The following PHACTR1 variants were observed in gnomAD, a reference collection of about 807,000 sequenced individuals.
The protein encoded by PHACTR1 is phosphatase and actin regulator 1, also known as RPEL repeat containing 1.
A neutral mutation model predicts 69.2 loss-of-function variants in PHACTR1; 16 were observed. The ratio of observed to expected loss-of-function variants is 0.23; its 90% CI spans 0.16 to 0.35. The LOEUF (loss-of-function observed/expected upper bound fraction) is 0.35, where lower values mean the gene tolerates loss of function less well. Among genes scored for constraint, PHACTR1 ranks in the 10% least tolerant of loss-of-function variants. The probability of loss-of-function intolerance (pLI) is 1.00; values close to 1 mark genes in which losing one functional copy is unlikely to be tolerated. For synonymous variants in PHACTR1, 312 were observed against 284.5 expected, an observed-to-expected ratio of 1.10 and a Z score of -0.97; for missense variants, 510 against 734.7, an observed-to-expected ratio of 0.69 and a Z score of 3.54.
chr6:12,834,961 A>T (rs1778001794), intron 4 of PHACTR1, among the ~76,000 whole-genome samples: 1 of 152,180 alleles, frequency 6.6e-6, no homozygotes, highest in South Asian at 2.1e-4. Context: ...TATGCTTGAA[A>T]GGCAAAATGA....
intron 8 of PHACTR1, chr6:13,214,367 C>T (rs750749895): frequency 2.0e-5 from 3 of 152,178 alleles, no homozygotes; most frequent in Non-Finnish European, 4.4e-5. Flanking sequence ...CTTTACTTGT[C>T]ATGCCTGATA....
chr6:12,915,506 CAA>C (rs1225757251), intron 4 of PHACTR1, among the ~76,000 whole-genome samples: 2 of 50,230 alleles, frequency 4.0e-5, no homozygotes, highest in Non-Finnish European at 8.1e-5. Flanking sequence ...AACTCTCTCT[CAA>C]AAAAAAAAAA....
intron 4 of PHACTR1, among the ~76,000 whole-genome samples, chr6:12,948,169 T>C (rs1790882919): frequency 6.6e-6 from 1 of 152,130 alleles, no homozygotes. Context: ...ATCTGGCCAG[T>C]AGGTGATGCT....
chr6:12,784,232 A>G (rs9296465), intron 4 of PHACTR1, among the ~76,000 whole-genome samples: 66,375 of 151,544 alleles, frequency 0.44, 15,292 homozygotes, highest in African/African-American at 0.55. Context: ...TGATATATAC[A>G]TATACTCATA....
intron 4 of PHACTR1, among the ~76,000 whole-genome samples, chr6:12,844,246 C>T (rs761420537): frequency 2.8e-4 from 43 of 151,986 alleles, no homozygotes; most frequent in African/African-American, 9.2e-4. Flanking sequence ...AATTTTAAAA[C>T]GTTAGCCGAA....
chr6:13,246,805 T>C lies in PHACTR1; in HGVS notation c.1391+16612T>C, dbSNP rs890681348. 1.3e-5 allele frequency among the ~76,000 whole-genome samples: 2 copies of C among 152,242 alleles called. No homozygotes were observed. Among genetic ancestry groups the C allele is most frequent in the African/African-American group, 4.8e-5 (2 of 41,470 alleles). ...TACAGTTGTTCTTCACGTGTCCCCATGTATCTTTGTTTACTGGCAAAACAC... is the reference window on the plus strand; with the variant it reads ...TACAGTTGTTCTTCACGTGTCCCCACGTATCTTTGTTTACTGGCAAAACAC... On this transcript the variant is annotated intron_variant, in intron 10 of 14. Coordinates refer to ENST00000332995, the MANE Select transcript of PHACTR1 (RefSeq NM_030948.6). The surrounding 1 kb of genome is among the most constrained non-coding windows in gnomAD (Gnocchi z 4.2).
intron 5 of PHACTR1, among the ~76,000 whole-genome samples, chr6:13,054,471 C>T (rs1226763422): frequency 6.6e-6 from 1 of 152,184 alleles, no homozygotes; most frequent in Non-Finnish European, 1.5e-5. Flanking sequence ...ATGTGTTTCT[C>T]ACAGTTCTGG....
intron 10 of PHACTR1, among the ~76,000 whole-genome samples, chr6:13,247,721 G>C (rs1462838454): frequency 6.6e-6 from 1 of 152,082 alleles, no homozygotes; most frequent in Non-Finnish European, 1.5e-5. Context: ...TGGAAGCTAG[G>C]CATGCACCTA....
intron 5 of PHACTR1, among the ~76,000 whole-genome samples, chr6:13,125,851 G>A (rs1296743074): frequency 6.6e-6 from 1 of 151,968 alleles, no homozygotes; most frequent in African/African-American, 2.4e-5. Flanking sequence ...GATTGCCTGA[G>A]CCTGGGAAGT....
At chr6:13,153,012 C>T (rs116048744) in intron 5 of PHACTR1, among the ~76,000 whole-genome samples, 2,472 of 152,068 alleles carry the variant, frequency 0.016, 69 homozygotes, top group African/African-American at 0.057. Flanking sequence ...AGGTGCACAG[C>T]GACTGGGAAT....
At chr6:12,979,265 A>T (rs1271313239) in intron 4 of PHACTR1, among the ~76,000 whole-genome samples, 1 of 152,136 alleles carries the variant, frequency 6.6e-6, no homozygotes, top group Admixed American at 6.5e-5. Flanking sequence ...CTTATTCTTC[A>T]CTTTGGGCAG....
At chr6:13,062,781 G>A (rs1314115457) in intron 5 of PHACTR1, among the ~76,000 whole-genome samples, 1 of 152,210 alleles carries the variant, frequency 6.6e-6, no homozygotes. Context: ...CATCTTTGTA[G>A]TGTGGGATGG....
At chr6:13,213,128 CTGAA>C (rs1221333727) in intron 8 of PHACTR1, among the ~76,000 whole-genome samples, 1 of 149,634 alleles carries the variant, frequency 6.7e-6, no homozygotes, top group African/African-American at 2.6e-5. Context: ...GAAAGAATAA[CTGAA>C]TGAATGGAGA....
intron 4 of PHACTR1, among the ~76,000 whole-genome samples, chr6:12,751,666 G>T (rs1348285431): frequency 6.6e-6 from 1 of 152,114 alleles, no homozygotes; most frequent in Non-Finnish European, 1.5e-5. Context: ...TTTTATTTTG[G>T]TTAAATTGCT....
At chr6:13,025,669 A>ATT (rs1406640118) in intron 4 of PHACTR1, among the ~76,000 whole-genome samples, 1 of 93,908 alleles carries the variant, frequency 1.1e-5, no homozygotes, top group African/African-American at 5.5e-5. Context: ...GTCATATATT[A>ATT]TTTGTGTGTG....
chr6:12,764,482 A>T (rs546484828), intron 4 of PHACTR1, among the ~76,000 whole-genome samples: 2 of 152,240 alleles, frequency 1.3e-5, no homozygotes, highest in East Asian at 3.9e-4. Context: ...GAAAATAATG[A>T]TGTTATTTAT....
chr6:13,277,947 CAAA>C (rs756557633), intron 11 of PHACTR1: 47 of 122,376 alleles, frequency 3.8e-4, no homozygotes, highest in South Asian at 9.6e-4. Flanking sequence ...GAGACCGTGT[CAAA>C]AAAAAAAAAA....
Position 12,814,504 on chromosome 6 carries a change from T to C in PHACTR1, c.250+64714T>C, listed in dbSNP as rs114226293. Among the ~76,000 whole-genome samples, 1,041 of 152,366 alleles carry C rather than the reference T, an allele frequency of 6.8e-3. 17 individuals carry two copies. The highest frequency in any genetic ancestry group is 0.024 in the African/African-American group (990 of 41,598). On this transcript the variant is annotated intron_variant, in intron 4 of 14. Coordinates refer to ENST00000332995, the MANE Select transcript of PHACTR1 (RefSeq NM_030948.6). Reference sequence around the variant, plus strand: ...GCGCACTGAATTGGGAGCTAGCCAGTCTGCTCTTCTTGCACCTGATCAGGT... The same window carrying C: ...GCGCACTGAATTGGGAGCTAGCCAGCCTGCTCTTCTTGCACCTGATCAGGT...
rs987790621 is a variant in PHACTR1, at chr6:12,754,119, C to T, written c.250+4329C>T. 1.0e-4 allele frequency among the ~76,000 whole-genome samples: 14 copies of T among 139,870 alleles called. No individual in the cohort carries two copies. In the East Asian group the frequency reaches 1.0e-3, roughly 10 times the overall value. The allele number at this position is 139,870 out of a possible 152,430, so 91.8% of individuals were successfully genotyped here. A position where few individuals can be genotyped will look rare whatever the true frequency, so the allele number is the denominator to read the frequency against. Reference sequence around the variant, plus strand: ...CTGGGACTACAGGCACCTGCCACCACGCCTGGCTATTTTTTTTTTTTTTTT... The same window carrying T: ...CTGGGACTACAGGCACCTGCCACCATGCCTGGCTATTTTTTTTTTTTTTTT... On this transcript the variant is annotated intron_variant, in intron 4 of 14. Coordinates refer to ENST00000332995, the MANE Select transcript of PHACTR1 (RefSeq NM_030948.6).
Sources: gnomAD v4.1 joint callset for allele counts (sites outside exome capture counted in the v4.1 genomes callset) on GRCh38, gnomAD v4.1.1 for gene constraint, Gnocchi (gnomAD v3.1) non-coding constraint, MANE v1.5 for transcripts, NCBI Gene and HGNC (gene_info 2026-07-23, HGNC 2026-07-21) for gene names.